Variants in SPTLC2 observed in about 807,000 individuals in gnomAD.
SPTLC2 encodes the protein serine palmitoyltransferase 2.
In SPTLC2, 21 loss-of-function variants were observed where a neutral mutation model predicts 62.0. That is an observed-to-expected ratio of 0.34 (90% CI 0.24 to 0.49). The LOEUF (loss-of-function observed/expected upper bound fraction) is 0.49. SPTLC2 is among the 20% of genes least tolerant of loss of function. The pLI, the probability that SPTLC2 is intolerant of heterozygous loss-of-function variation, is 0.99. For synonymous variants in SPTLC2, 261 were observed against 261.8 expected, an observed-to-expected ratio of 1.00 and a Z score of 0.03; for missense variants, 511 against 713.0, an observed-to-expected ratio of 0.72 and a Z score of 3.23.
intron 2 of SPTLC2, among the ~76,000 whole-genome samples, chr14:77,581,507 T>G (rs2079750989): frequency 6.8e-6 from 1 of 146,328 alleles, no homozygotes; most frequent in South Asian, 2.2e-4. Context: ...GCCTCCCAGG[T>G]TCAAGCGACT....
chr14:77,567,352 G>C (rs2079651116), intron 5 of SPTLC2, among the ~76,000 whole-genome samples: 1 of 152,228 alleles, frequency 6.6e-6, no homozygotes, highest in Non-Finnish European at 1.5e-5. Context: ...CATACAGAGA[G>C]AAGAGCAAGA....
intron 1 of SPTLC2, among the ~76,000 whole-genome samples, chr14:77,605,445 T>C (rs886826799): frequency 1.8e-4 from 28 of 152,228 alleles, no homozygotes; most frequent in African/African-American, 6.3e-4. Flanking sequence ...AAATAGATTA[T>C]TCAAATAAAT....
intron 2 of SPTLC2, among the ~76,000 whole-genome samples, chr14:77,581,725 C>T (rs2079752210): frequency 6.6e-6 from 1 of 152,048 alleles, no homozygotes; most frequent in Non-Finnish European, 1.5e-5. Flanking sequence ...ATCTCTTTTA[C>T]AACTGGTTCT....
rs1263522819 is a variant in SPTLC2, at chr14:77,509,296, A to T, written c.*2988T>A. 1.3e-5 allele frequency: 2 copies of T among 152,214 alleles called. No homozygotes were observed. The highest frequency in any genetic ancestry group is 2.9e-5 in the Non-Finnish European group (2 of 67,986). The allele number at this position is 152,214 out of a possible 1,614,324, so 9.4% of individuals were successfully genotyped here. On this transcript the variant is annotated 3_prime_UTR_variant, in exon 12 of 12. Transcript: ENST00000216484. The stretch of plus-strand genomic sequence containing the variant: ...ATAAAGTCCATGCCCCTGCTAAGTT[A>T]AAGCTTAAAAAAAAAAAGATGCGAG...
At chr14:77,555,194 A>T in intron 8 of SPTLC2, 106 bp downstream of exon 8, 3 of 1,322,076 alleles carry the variant, frequency 2.3e-6, no homozygotes, top group Middle Eastern at 5.0e-4. Flanking sequence ...AACCAGAGGC[A>T]AATTTGCGGA....
intron 5 of SPTLC2, among the ~76,000 whole-genome samples, chr14:77,565,198 C>A (rs920787689): frequency 1.5e-5 from 2 of 132,252 alleles, no homozygotes; most frequent in African/African-American, 2.8e-5. Flanking sequence ...GCTGAGATGG[C>A]GCCACTGCAC....
chr14:77,608,592 G>C (rs1595020050), intron 1 of SPTLC2, among the ~76,000 whole-genome samples: 1 of 152,232 alleles, frequency 6.6e-6, no homozygotes, highest in Non-Finnish European at 1.5e-5. Context: ...GCAGACAACA[G>C]ATAAGCAAAT....
chr14:77,598,946 G>A (rs547828765), intron 1 of SPTLC2, among the ~76,000 whole-genome samples: 1 of 150,598 alleles, frequency 6.6e-6, no homozygotes, highest in African/African-American at 2.4e-5. Context: ...GTGTGGCCCA[G>A]CATTATATAA....
At chr14:77,537,320 T>C (rs904812716) in intron 9 of SPTLC2, among the ~76,000 whole-genome samples, 3 of 152,016 alleles carry the variant, frequency 2.0e-5, no homozygotes, top group Non-Finnish European at 4.4e-5. Flanking sequence ...AGATTCCCTA[T>C]GGCACATTTT....
rs2079316395 is a variant in SPTLC2, at chr14:77,508,426, A to G, written c.*3858T>C. On this transcript the variant is annotated 3_prime_UTR_variant, in exon 12 of 12. Coordinates refer to ENST00000216484, the MANE Select transcript of SPTLC2 (RefSeq NM_004863.4). ...ACAACAACTGCCCATAACCCTACAA[A>G]TCCTTGCAAAACAACAGTTACTCAC... 3 of 152,182 alleles carry G rather than the reference A, an allele frequency of 2.0e-5. No individual in the cohort carries two copies. The South Asian group carries it at 6.2e-4, about 32-fold the overall frequency. 9.4% of individuals were successfully genotyped at this position (152,182 alleles called of 1,614,324 possible).
Position 77,585,379 on chromosome 14 carries a change from A to T in SPTLC2, c.328-6270T>A, listed in dbSNP as rs114259085. The stretch of plus-strand genomic sequence containing the variant: ...AAAACTGAGACTAGTATTATTCCAA[A>T]CTAACACTATTAGTGGTAGTGTTAC... On this transcript the variant is annotated intron_variant, in intron 2 of 11. Coordinates refer to ENST00000216484, the MANE Select transcript of SPTLC2 (RefSeq NM_004863.4). 3.3e-3 allele frequency among the ~76,000 whole-genome samples: 495 copies of T among 152,302 alleles called. 4 individuals are homozygous for T. The highest frequency in any genetic ancestry group is 0.02 in the Middle Eastern group (6 of 294).
At chr14:77,542,074 A>C (rs2079503892) in intron 9 of SPTLC2, among the ~76,000 whole-genome samples, 1 of 151,874 alleles carries the variant, frequency 6.6e-6, no homozygotes, top group African/African-American at 2.4e-5. Flanking sequence ...AAAAAAAAAA[A>C]AAAACCAAGA....
chr14:77,535,911 C>T, intron 9 of SPTLC2: 1 of 451,690 alleles, frequency 2.2e-6, no homozygotes, highest in South Asian at 1.6e-5. Context: ...GAAGCATGAT[C>T]CATAGGCACT....
intron 3 of SPTLC2, among the ~76,000 whole-genome samples, chr14:77,578,107 T>C (rs982265747): frequency 6.6e-6 from 1 of 152,158 alleles, no homozygotes; most frequent in African/African-American, 2.4e-5. Context: ...ATTGTGACAC[T>C]GCACTCCAGC....
rs1466374062 is a variant in SPTLC2 at position 77,506,779 on chromosome 14, T to C, written c.*5505A>G. 6.6e-6 allele frequency: 1 copy of C among 152,218 alleles called. No individual in the cohort carries two copies. Among genetic ancestry groups the C allele is most frequent in the Non-Finnish European group, 1.5e-5 (1 of 68,054 alleles). 9.4% of individuals were successfully genotyped at this position (152,218 alleles called of 1,614,324 possible). A position where few individuals can be genotyped will look rare whatever the true frequency, so the allele number is the denominator to read the frequency against. On this transcript the variant is annotated 3_prime_UTR_variant, in exon 12 of 12. Coordinates refer to ENST00000216484, the MANE Select transcript of SPTLC2 (RefSeq NM_004863.4). ...AGAAGCATTCACTCATCCATGCAGA[T>C]GGCAACAAGGCAGGACACTCAGAAA... is the stretch of plus-strand genomic sequence containing the variant.
chr14:77,605,403 T>A (rs1328044501), intron 1 of SPTLC2, among the ~76,000 whole-genome samples: 1 of 152,216 alleles, frequency 6.6e-6, no homozygotes, highest in Non-Finnish European at 1.5e-5. Context: ...AGAGGCAAGC[T>A]AGTGCTTTCA....
intron 2 of SPTLC2, among the ~76,000 whole-genome samples, chr14:77,595,328 G>A (rs2079840715): frequency 1.3e-5 from 2 of 152,070 alleles, no homozygotes; most frequent in Non-Finnish European, 1.5e-5. Context: ...TCACACCACT[G>A]TACTCCAGCC....
chr14:77,605,073 G>A (rs987641597), intron 1 of SPTLC2, among the ~76,000 whole-genome samples: 1 of 152,010 alleles, frequency 6.6e-6, no homozygotes, highest in Non-Finnish European at 1.5e-5. Flanking sequence ...GTAGAGTGGC[G>A]TAACCATAGC....
In SPTLC2 at chr14:77,509,839, G is replaced by A; in HGVS notation, c.*2445C>T. On this transcript the variant is annotated 3_prime_UTR_variant, in exon 12 of 12. Coordinates refer to ENST00000216484, the MANE Select transcript of SPTLC2 (RefSeq NM_004863.4). Reference sequence around the variant, plus strand: ...AGATTTGTCTCTTCAAAATAAACTTGTAACAAAATTACACTTATCTTGAAA... The same window carrying A: ...AGATTTGTCTCTTCAAAATAAACTTATAACAAAATTACACTTATCTTGAAA... The A allele has an allele frequency of 2.5e-6, 1 of 398,322 alleles. No homozygotes were observed. Among genetic ancestry groups the A allele is most frequent in the Non-Finnish European group, 4.4e-6 (1 of 225,926 alleles). The allele number at this position is 398,322 out of a possible 1,614,324, so 24.7% of individuals were successfully genotyped here. A position where few individuals can be genotyped will look rare whatever the true frequency, so the allele number is the denominator to read the frequency against.
Sources: allele counts gnomAD v4.1 joint callset (sites outside exome capture counted in the v4.1 genomes callset), GRCh38; gene constraint gnomAD v4.1.1; transcripts MANE v1.5; gene names NCBI Gene and HGNC (gene_info 2026-07-23, HGNC 2026-07-21).